ME1: variants seen among roughly 807,000 people sequenced by gnomAD.
ME1 encodes the protein NADP-dependent malic enzyme.
In ME1, 74 loss-of-function variants were observed where a neutral mutation model predicts 66.4. The observed-to-expected ratio is 1.11, with a 90% CI of 0.92 to 1.35. The LOEUF is 1.35. ME1 is among the 40% of genes most tolerant of loss of function. The probability of loss-of-function intolerance (pLI) is 0.00; values close to 1 mark genes in which losing one functional copy is unlikely to be tolerated. For synonymous variants in ME1, 251 were observed against 235.6 expected (o/e 1.07, Z -0.60); for missense variants, 750 against 694.1 (o/e 1.08, Z -0.90).
rs1768543777 is a variant in ME1 at position 83,339,947 on chromosome 6, G to A, written c.600+6226C>T. 2.2e-5 allele frequency among the ~76,000 whole-genome samples: 3 copies of A among 135,490 alleles called. No homozygotes were observed. In the South Asian group the frequency reaches 6.9e-4, roughly 31 times the overall value. 88.9% of individuals were successfully genotyped at this position (135,490 alleles called of 152,430 possible). A position where few individuals can be genotyped will look rare whatever the true frequency, so the allele number is the denominator to read the frequency against. Reference sequence around the variant, plus strand: ...TAACTAACCTGCACAATGTGCACATGTACCCTAAAACTTAGAGTATAATAA... The same window carrying A: ...TAACTAACCTGCACAATGTGCACATATACCCTAAAACTTAGAGTATAATAA... On this transcript the variant is annotated intron_variant, in intron 5 of 13. Coordinates refer to ENST00000369705, the MANE Select transcript of ME1 (RefSeq NM_002395.6).
chr6:83,384,971 T>G lies in ME1; in HGVS notation c.362+13396A>C, dbSNP rs190872102. ...TTTACACCTCATCTAGTGATTAAGT[T>G]CTACATTCTGAGGCTATGCCATGCA... On this transcript the variant is annotated intron_variant, in intron 3 of 13. Transcript: ENST00000369705. Among the ~76,000 whole-genome samples, 296 of 152,024 alleles carry G rather than the reference T, an allele frequency of 1.9e-3. 4 individuals are homozygous for G. Among genetic ancestry groups the G allele is most frequent in the Middle Eastern group, 3.4e-3 (1 of 294 alleles).
chr6:83,251,898 C>A (rs550612208), intron 7 of ME1, among the ~76,000 whole-genome samples: 8 of 152,216 alleles, frequency 5.3e-5, no homozygotes, highest in Non-Finnish European at 7.4e-5. Flanking sequence ...AAAAAGAAAA[C>A]TATCTCTGTT....
At chr6:83,297,617 A>G (rs761335311) in intron 6 of ME1, among the ~76,000 whole-genome samples, 7 of 151,782 alleles carry the variant, frequency 4.6e-5, no homozygotes, top group Non-Finnish European at 8.8e-5. Context: ...TCCAGGATAC[A>G]TGTGAGGGAT....
chr6:83,297,507 T>C (rs1185874994), intron 6 of ME1, among the ~76,000 whole-genome samples: 1 of 152,124 alleles, frequency 6.6e-6, no homozygotes, highest in East Asian at 1.9e-4. Context: ...GCCAAGGCAA[T>C]CCTAAGCAAA....
At chr6:83,400,025 G>T in intron 2 of ME1, among the ~76,000 whole-genome samples, 1 of 152,032 alleles carries the variant, frequency 6.6e-6, no homozygotes, top group Non-Finnish European at 1.5e-5. Context: ...TATTCCTCAG[G>T]GCTCAATACA....
Position 83,278,516 on chromosome 6 carries a change from A to T in ME1, c.705-24778T>A, listed in dbSNP as rs555035970. On this transcript the variant is annotated intron_variant, in intron 6 of 13. Coordinates refer to ENST00000369705, the MANE Select transcript of ME1 (RefSeq NM_002395.6). ...GAGTGCAGGGGCACAGTCATAGCTC[A>T]CTGTAACCTAGAACTCCTGGGCTCA... Among the ~76,000 whole-genome samples, 4 of 152,324 alleles carry T rather than the reference A, an allele frequency of 2.6e-5. No individual in the cohort carries two copies. The South Asian group carries it at 6.2e-4, about 24-fold the overall frequency.
intron 6 of ME1, among the ~76,000 whole-genome samples, chr6:83,301,098 T>C (rs1214070763): frequency 6.6e-6 from 1 of 152,022 alleles, no homozygotes; most frequent in Non-Finnish European, 1.5e-5. Context: ...CTAATGTAAA[T>C]GACGAGTCAG....
chr6:83,229,077 C>T (rs1486910928), intron 9 of ME1, 146 bp from the exon 10 acceptor site: 2 of 633,552 alleles, frequency 3.2e-6, no homozygotes, highest in African/African-American at 1.8e-5. Flanking sequence ...CTTCAATTGT[C>T]AGAATGTTAT....
rs1375650317 is a variant in ME1 at position 83,227,428 on chromosome 6, C to T, written c.1182G>A (p.Met394Ile). 1.7e-5 allele frequency: 28 copies of T among 1,602,690 alleles called. No individual in the cohort carries two copies. The highest frequency in any genetic ancestry group is 2.3e-5 in the Non-Finnish European group (27 of 1,172,814). Residue 394 changes from methionine to isoleucine, a missense_variant, in exon 11 of 14, where the codon ATG becomes ATA. By Grantham distance (10) the Met-to-Ile change is conservative. Transcript: ENST00000369705. ...TAATAGGCCGTTCATTGAAGGCAGC[C>T]ATATCTTTGAGAATTTGTTCTGAGA... ...GAFSEQILKD[M>I]AAFNERPIIF...
intron 3 of ME1, among the ~76,000 whole-genome samples, chr6:83,373,474 T>C (rs1276522308): frequency 6.6e-6 from 1 of 152,120 alleles, no homozygotes; most frequent in Non-Finnish European, 1.5e-5. Flanking sequence ...CACCTCAGCC[T>C]CCAAAAGTGC....
chr6:83,253,486 A>G, intron 7 of ME1, 143 bp downstream of exon 7: 1 of 492,800 alleles, frequency 2.0e-6, no homozygotes, highest in East Asian at 2.9e-5. Flanking sequence ...CAACTAGATG[A>G]GAAATAGTAT....
At chr6:83,275,895 G>A (rs1167247636) in intron 6 of ME1, among the ~76,000 whole-genome samples, 1 of 146,274 alleles carries the variant, frequency 6.8e-6, no homozygotes, top group Non-Finnish European at 1.5e-5. Context: ...TCAGCCTCAG[G>A]AGTAGCTGGG....
chr6:83,275,880 C>T (rs1767172293), intron 6 of ME1, among the ~76,000 whole-genome samples: 2 of 144,130 alleles, frequency 1.4e-5, no homozygotes, highest in South Asian at 4.5e-4. Context: ...TCACGCCATT[C>T]TGCCTCAGCC....
chr6:83,218,929 A>T (rs994248409), intron 12 of ME1, among the ~76,000 whole-genome samples: 1 of 152,212 alleles, frequency 6.6e-6, no homozygotes, highest in Non-Finnish European at 1.5e-5. Context: ...TTTGAATTGG[A>T]TATAACATTT....
intron 1 of ME1, 108 bp from the exon 2 acceptor site, chr6:83,408,009 T>C (rs554536357): frequency 1.5e-6 from 2 of 1,297,430 alleles, no homozygotes; most frequent in Non-Finnish European, 2.0e-6. Context: ...ATCCGAAGTC[T>C]GCGTCACTGG....
chr6:83,272,738 G>A (rs771014091), intron 6 of ME1, among the ~76,000 whole-genome samples: 8 of 152,136 alleles, frequency 5.3e-5, no homozygotes, highest in Non-Finnish European at 7.4e-5. Context: ...CACAGAATTA[G>A]TCTCTCTTTA....
chr6:83,281,205 A>G (rs989844510), intron 6 of ME1, among the ~76,000 whole-genome samples: 2 of 152,228 alleles, frequency 1.3e-5, no homozygotes, highest in Non-Finnish European at 2.9e-5. Context: ...GACTTATGCC[A>G]TGGTAAAATT....
At chr6:83,223,703 A>G in intron 12 of ME1, 57 bp downstream of exon 12, 1 of 1,514,966 alleles carries the variant, frequency 6.6e-7, no homozygotes, top group Non-Finnish European at 9.1e-7. Flanking sequence ...TAGACAACCT[A>G]GGCTGAGCAC....
intron 5 of ME1, among the ~76,000 whole-genome samples, chr6:83,333,553 C>G (rs1291723632): frequency 6.6e-6 from 1 of 152,048 alleles, no homozygotes; most frequent in Non-Finnish European, 1.5e-5. Flanking sequence ...GAGTTAAAGA[C>G]CATAAAAATT....
Sources: gnomAD v4.1 joint callset for allele counts (sites outside exome capture counted in the v4.1 genomes callset) on GRCh38, gnomAD v4.1.1 for gene constraint, MANE v1.5 for transcripts, NCBI Gene and HGNC (gene_info 2026-07-23, HGNC 2026-07-21) for gene names.